Variants in ALDH2 observed in about 807,000 individuals in gnomAD.
The protein encoded by ALDH2 is aldehyde dehydrogenase, mitochondrial.
In ALDH2, 44 loss-of-function variants were observed where a neutral mutation model predicts 59.6. The observed-to-expected ratio is 0.74, with a 90% CI of 0.58 to 0.95. The LOEUF is 0.95. Among genes scored for constraint, ALDH2 ranks in the 40% least tolerant of loss-of-function variants. The probability of loss-of-function intolerance (pLI) is 0.00; values close to 1 mark genes in which losing one functional copy is unlikely to be tolerated. For synonymous variants in ALDH2, 291 were observed against 284.0 expected, an observed-to-expected ratio of 1.02 and a Z score of -0.25; for missense variants, 570 against 696.3, an observed-to-expected ratio of 0.82 and a Z score of 2.04.
At chr12:111,789,011 T>C (rs1044279756) in intron 4 of ALDH2, among the ~76,000 whole-genome samples, 20 of 149,380 alleles carry the variant, frequency 1.3e-4, no homozygotes, top group Non-Finnish European at 1.5e-4. Flanking sequence ...TTTCTTTCTT[T>C]CTTTTCTTTT....
intron 3 of ALDH2, 77 bp downstream of exon 3, chr12:111,783,375 C>G: frequency 6.6e-7 from 1 of 1,507,968 alleles, no homozygotes; most frequent in African/African-American, 1.4e-5. Flanking sequence ...AGCCAGGAAC[C>G]AAGCATCCTG....
At chr12:111,774,252 C>T (rs930604187) in intron 1 of ALDH2, among the ~76,000 whole-genome samples, 1 of 152,118 alleles carries the variant, frequency 6.6e-6, no homozygotes, top group Non-Finnish European at 1.5e-5. Flanking sequence ...GAGATGACTG[C>T]CCCTCGCCTT....
chr12:111,782,635 A>G (rs934619751), intron 2 of ALDH2, among the ~76,000 whole-genome samples: 4 of 152,228 alleles, frequency 2.6e-5, no homozygotes, highest in African/African-American at 9.6e-5. Context: ...CTGTAATCCC[A>G]GCACTTTGGG....
chr12:111,785,690 C>T (rs2068304128), intron 4 of ALDH2, among the ~76,000 whole-genome samples: 1 of 152,110 alleles, frequency 6.6e-6, no homozygotes, highest in South Asian at 2.1e-4. Context: ...CGCCACTGCA[C>T]TCCAGCCTAG....
intron 12 of ALDH2, among the ~76,000 whole-genome samples, chr12:111,807,833 T>G (rs16941669): frequency 0.1 from 15,242 of 151,812 alleles, 914 homozygotes; most frequent in South Asian, 0.3. Flanking sequence ...GAGTTTGATC[T>G]CAGCTATGGG....
chr12:111,817,380 A>G lies in ALDH2; in HGVS notation c.*7805A>G, dbSNP rs1477780928. On this transcript the variant is annotated 3_prime_UTR_variant, in exon 13 of 13. Coordinates refer to ENST00000261733, the MANE Select transcript of ALDH2 (RefSeq NM_000690.4). ...TAGCCCAGGGATGCGACCCAAAATT[A>G]TCAAAGTAGAGACATTATGTGTTTG... The G allele has an allele frequency of 6.6e-6, 1 of 152,236 alleles. No individual in the cohort carries two copies. Among genetic ancestry groups the G allele is most frequent in the Non-Finnish European group, 1.5e-5 (1 of 68,042 alleles). The allele number at this position is 152,236 out of a possible 1,614,324, so 9.4% of individuals were successfully genotyped here.
intron 12 of ALDH2, among the ~76,000 whole-genome samples, chr12:111,805,695 C>T (rs949314183): frequency 6.6e-6 from 1 of 152,040 alleles, no homozygotes; most frequent in East Asian, 1.9e-4. Context: ...ATTTCATAAG[C>T]GATTAATTTG....
Position 111,772,113 on chromosome 12 carries a change from A to C in ALDH2, c.114+5017A>C, listed in dbSNP as rs575474080. 1.9e-3 allele frequency among the ~76,000 whole-genome samples: 289 copies of C among 152,146 alleles called. 1 individual carries two copies. The highest frequency in any genetic ancestry group is 0.01 in the Middle Eastern group (3 of 294). On this transcript the variant is annotated intron_variant, in intron 1 of 12. Transcript: ENST00000261733. ...CACTTCGTCTGAAAAAAAACTCCCC[A>C]AAAAACAAAAAAAACTTAATACCCC...
At position 111,809,782 on chromosome 12, in the gene ALDH2, GACA is replaced by G. The variant is rs1487680165; in HGVS notation, c.*212_*214del. 3 of 590,550 alleles carry G rather than the reference GACA, an allele frequency of 5.1e-6. No homozygotes were observed. Among genetic ancestry groups the G allele is most frequent in the South Asian group, 2.1e-5 (1 of 47,818 alleles). 36.6% of individuals were successfully genotyped at this position (590,550 alleles called of 1,614,324 possible). A position where few individuals can be genotyped will look rare whatever the true frequency, so the allele number is the denominator to read the frequency against. ...AGAGTATATGAGGAACCTTTTAAAC[GACA>G]ACAATACTGCTAGCTTTCAGGATGA... On this transcript the variant is annotated 3_prime_UTR_variant, in exon 13 of 13. Transcript: ENST00000261733.
intron 1 of ALDH2, among the ~76,000 whole-genome samples, chr12:111,775,904 A>G (rs2068231500): frequency 6.6e-6 from 1 of 152,200 alleles, no homozygotes; most frequent in Non-Finnish European, 1.5e-5. Flanking sequence ...GCTCTGGGAG[A>G]AGGGAAATGG....
chr12:111,783,133 G>C, intron 2 of ALDH2, 25 bp from the exon 3 acceptor site: 2 of 1,598,976 alleles, frequency 1.3e-6, no homozygotes, highest in Non-Finnish European at 1.7e-6. Flanking sequence ...TTCCAGGAAG[G>C]CTTGAGTTTT....
intron 11 of ALDH2, among the ~76,000 whole-genome samples, chr12:111,803,293 AT>A (rs1457858275): frequency 1.3e-5 from 2 of 150,978 alleles, no homozygotes; most frequent in African/African-American, 4.9e-5. Flanking sequence ...AAAAAAAAAA[AT>A]GAAAGAAAAG....
At chr12:111,805,069 T>G (rs989222772) in intron 12 of ALDH2, among the ~76,000 whole-genome samples, 1 of 152,188 alleles carries the variant, frequency 6.6e-6, no homozygotes, top group Non-Finnish European at 1.5e-5. Flanking sequence ...AACAGGTATC[T>G]GTTACAAATG....
intron 12 of ALDH2, 41 bp downstream of exon 12, chr12:111,804,014 C>A: frequency 7.0e-7 from 1 of 1,436,928 alleles, no homozygotes; most frequent in Non-Finnish European, 9.5e-7. Context: ...CCTGTTGGGG[C>A]TTGAGGGTCT....
At chr12:111,796,312 A>G (rs142293232) in intron 9 of ALDH2, among the ~76,000 whole-genome samples, 2,345 of 151,846 alleles carry the variant, frequency 0.015, 69 homozygotes, top group African/African-American at 0.053. Context: ...ACAGAGTGAG[A>G]CTCCACCTCA....
chr12:111,794,984 CT>C (rs2068391633), intron 9 of ALDH2, among the ~76,000 whole-genome samples: 1 of 152,152 alleles, frequency 6.6e-6, no homozygotes, highest in Non-Finnish European at 1.5e-5. Flanking sequence ...TTAGCAGTCA[CT>C]CCCCATTCCT....
intron 1 of ALDH2, among the ~76,000 whole-genome samples, chr12:111,777,596 C>T (rs553557715): frequency 3.3e-5 from 5 of 152,262 alleles, no homozygotes; most frequent in Admixed American, 1.3e-4. Flanking sequence ...GCTGCCTGCC[C>T]GCCCCCCACG....
In ALDH2 at chr12:111,790,312, G is replaced by A. The variant is rs1566188403; in HGVS notation, c.553-122G>A. 4 of 1,262,820 alleles carry A rather than the reference G, an allele frequency of 3.2e-6. No homozygotes were observed. In the East Asian group the frequency reaches 7.0e-5, roughly 22 times the overall value. The allele number at this position is 1,262,820 out of a possible 1,614,324, so 78.2% of individuals were successfully genotyped here. A position where few individuals can be genotyped will look rare whatever the true frequency, so the allele number is the denominator to read the frequency against. ...AAAACCACGATGGATGGAGTTAGGG[G>A]AGGACACGCAGGGTTCAGAGAACTC... On this transcript the variant is annotated intron_variant, in intron 5 of 12. Transcript: ENST00000261733.
intron 9 of ALDH2, among the ~76,000 whole-genome samples, chr12:111,795,746 C>A (rs776670456): frequency 2.6e-5 from 4 of 151,346 alleles, no homozygotes; most frequent in Non-Finnish European, 4.4e-5. Flanking sequence ...CGCCCACCAC[C>A]ATGCCCAGCT....
Sources: allele counts gnomAD v4.1 joint callset (sites outside exome capture counted in the v4.1 genomes callset), GRCh38; gene constraint gnomAD v4.1.1; transcripts MANE v1.5; gene names NCBI Gene and HGNC (gene_info 2026-07-23, HGNC 2026-07-21).